SIK2: variants seen among roughly 807,000 people sequenced by gnomAD.
SIK2 encodes the protein serine/threonine-protein kinase SIK2.
SIK2 carries 29 observed loss-of-function variants against 103.2 expected under a neutral mutation model. The ratio of observed to expected loss-of-function variants is 0.28; its 90% CI spans 0.21 to 0.38. SIK2 has a LOEUF of 0.38. SIK2 is among the 10% of genes least tolerant of loss of function. The pLI, the probability that SIK2 is intolerant of heterozygous loss-of-function variation, is 1.00. For missense variants in SIK2, 879 were observed against 1,171.0 expected (o/e 0.75, Z 3.64); for synonymous variants, 412 against 446.1 (o/e 0.92, Z 0.96).
Position 111,719,793 on chromosome 11 carries a change from G to C in SIK2, c.1285G>C (p.Asp429His). The C allele has an allele frequency of 6.2e-7, 1 of 1,613,742 alleles. No individual in the cohort carries two copies. Among genetic ancestry groups the C allele is most frequent in the Non-Finnish European group, 8.5e-7 (1 of 1,179,852 alleles). The change falls in exon 10 of 15, where the codon GAC (aspartate) becomes CAC (histidine). Residue 429 changes from aspartate (D) to histidine (H), a missense_variant. Transcript: ENST00000304987. ...CGTTTAGGTCAATGGCTGTCTGCTT[G>C]ACCCTGTGCCTCCTGTCCTGGTGCG... ...DTPKVNGCLL[D>H]PVPPVLVRKG...
chr11:111,706,637 G>T (rs1943354854), intron 8 of SIK2, among the ~76,000 whole-genome samples: 1 of 152,052 alleles, frequency 6.6e-6, no homozygotes. Flanking sequence ...TAGATAAATG[G>T]TATATTTTGT....
At chr11:111,610,434 T>C (rs1030033343) in intron 1 of SIK2, among the ~76,000 whole-genome samples, 10 of 149,934 alleles carry the variant, frequency 6.7e-5, no homozygotes, top group African/African-American at 2.2e-4. Context: ...GAGGTTGCAC[T>C]GAGCTGAGAT....
In SIK2 at chr11:111,720,493, T is replaced by G. The variant is rs1377069136; in HGVS notation, c.1511T>G (p.Met504Arg). The G allele has an allele frequency of 1.2e-6, 2 of 1,600,110 alleles. No homozygotes were observed. Among genetic ancestry groups the G allele is most frequent in the Non-Finnish European group, 1.7e-6 (2 of 1,174,782 alleles). The change falls in exon 11 of 15, where the codon ATG becomes AGG. Residue 504 changes from methionine (M) to arginine (R), a missense_variant. Around this residue, in one of 7 missense-constraint regions of SIK2, gnomAD observed 222 missense variants for 258.0 expected, o/e 0.86. Coordinates refer to ENST00000304987, the MANE Select transcript of SIK2 (RefSeq NM_015191.3). ...TCTCTTAAAGGGAAAATTTTCTCCATGAATGACAGCCCCTCCCTTGACAGT... is the reference window on the plus strand; with the variant it reads ...TCTCTTAAAGGGAAAATTTTCTCCAGGAATGACAGCCCCTCCCTTGACAGT... ...VMPGAGKIFSMNDSPSLDSVD... is the reference protein window; with the variant it reads ...VMPGAGKIFSRNDSPSLDSVD...
chr11:111,694,169 A>G (rs932499428), intron 4 of SIK2, among the ~76,000 whole-genome samples: 2 of 152,222 alleles, frequency 1.3e-5, no homozygotes, highest in African/African-American at 2.4e-5. Flanking sequence ...TTCAATGTAT[A>G]ATTGATTCCC....
At position 111,728,271 on chromosome 11, in the gene SIK2, G is replaced by C. The variant is rs1944041952; in HGVS notation, c.*4142G>C. On this transcript the variant is annotated 3_prime_UTR_variant, in exon 15 of 15. Transcript: ENST00000304987. Reference sequence around the variant, plus strand: ...ACAGGCAGGGATCTTTGATCATTTTGTTGCTTCTGGAATTTATTTAATTTT... The same window carrying C: ...ACAGGCAGGGATCTTTGATCATTTTCTTGCTTCTGGAATTTATTTAATTTT... 7.0e-6 allele frequency: 1 copy of C among 143,128 alleles called. No individual in the cohort carries two copies. Among genetic ancestry groups the C allele is most frequent in the Admixed American group, 7.4e-5 (1 of 13,470 alleles). 8.9% of individuals were successfully genotyped at this position (143,128 alleles called of 1,614,324 possible).
chr11:111,614,539 A>C (rs1421940451), intron 1 of SIK2, among the ~76,000 whole-genome samples: 1 of 152,240 alleles, frequency 6.6e-6, no homozygotes, highest in Non-Finnish European at 1.5e-5. Context: ...TAAGAAAATA[A>C]CAAGGAAAAT....
chr11:111,675,257 T>C (rs1307929227), intron 3 of SIK2, among the ~76,000 whole-genome samples: 1 of 152,068 alleles, frequency 6.6e-6, no homozygotes, highest in Admixed American at 6.6e-5. Context: ...GCACACACAT[T>C]CTCCATGACC....
intron 3 of SIK2, among the ~76,000 whole-genome samples, chr11:111,665,794 C>A (rs145100653): frequency 6.6e-6 from 1 of 150,984 alleles, no homozygotes; most frequent in African/African-American, 2.4e-5. Flanking sequence ...CCATTGCACT[C>A]CAGCCTGGGC....
chr11:111,707,405 GAC>G (rs1565377293), intron 8 of SIK2, among the ~76,000 whole-genome samples: 1 of 152,140 alleles, frequency 6.6e-6, no homozygotes, highest in Non-Finnish European at 1.5e-5. Context: ...ACATAAACGT[GAC>G]TTCTTATGTT....
At chr11:111,713,142 G>A (rs1943547819) in intron 9 of SIK2, among the ~76,000 whole-genome samples, 2 of 152,152 alleles carry the variant, frequency 1.3e-5, no homozygotes, top group South Asian at 4.1e-4. Context: ...TCCAGCCTGG[G>A]TGACAGAGTG....
chr11:111,664,951 G>GA (rs1165975666), intron 3 of SIK2, among the ~76,000 whole-genome samples: 1 of 152,104 alleles, frequency 6.6e-6, no homozygotes, highest in Non-Finnish European at 1.5e-5. Flanking sequence ...TTACACATTT[G>GA]AAGTATTTTT....
chr11:111,695,262 G>C (rs1043631820), intron 4 of SIK2, among the ~76,000 whole-genome samples: 2 of 152,174 alleles, frequency 1.3e-5, no homozygotes, highest in Non-Finnish European at 2.9e-5. Context: ...AAAGCCATCT[G>C]CTGCTCTGTA....
intron 3 of SIK2, among the ~76,000 whole-genome samples, chr11:111,645,407 T>G (rs1942241690): frequency 6.6e-6 from 1 of 152,202 alleles, no homozygotes; most frequent in Non-Finnish European, 1.5e-5. Context: ...TGTGAATGAC[T>G]CGTAAAAACA....
intron 4 of SIK2, among the ~76,000 whole-genome samples, chr11:111,691,008 A>G (rs1437484196): frequency 6.6e-6 from 1 of 152,230 alleles, no homozygotes; most frequent in Non-Finnish European, 1.5e-5. Context: ...AAGTGCTGTC[A>G]CTAACATCTC....
At chr11:111,639,876 A>G (rs1942158015) in intron 3 of SIK2, among the ~76,000 whole-genome samples, 1 of 152,172 alleles carries the variant, frequency 6.6e-6, no homozygotes, top group African/African-American at 2.4e-5. Flanking sequence ...TCTACTAGGA[A>G]TGAATGCTTC....
At chr11:111,612,944 A>ATATATATATATATATATT (rs1184940281) in intron 1 of SIK2, among the ~76,000 whole-genome samples, 4 of 147,690 alleles carry the variant, frequency 2.7e-5, no homozygotes, top group Non-Finnish European at 6.0e-5. Flanking sequence ...ATATATATAT[A>ATATATATATATATATATT]TATTTATGAT....
At chr11:111,632,470 T>C (rs1339869104) in intron 3 of SIK2, among the ~76,000 whole-genome samples, 1 of 152,150 alleles carries the variant, frequency 6.6e-6, no homozygotes. Context: ...TATCATTTCT[T>C]GAACTCTTAC....
In SIK2 at chr11:111,687,993, A is replaced by G; in HGVS notation, c.317-8A>G. The G allele has an allele frequency of 1.9e-6, 3 of 1,613,508 alleles. No individual in the cohort carries two copies. The highest frequency in any genetic ancestry group is 2.5e-6 in the Non-Finnish European group (3 of 1,179,828). On this transcript the variant is annotated splice_region_variant and splice_polypyrimidine_tract_variant and intron_variant, in intron 3 of 14. Coordinates refer to ENST00000304987, the MANE Select transcript of SIK2 (RefSeq NM_015191.3). ...GTGACTAATTCTTAATCCTCTCTTCATTTACAGACTATCTTGCTAATCATG... is the reference window on the plus strand; with the variant it reads ...GTGACTAATTCTTAATCCTCTCTTCGTTTACAGACTATCTTGCTAATCATG...
chr11:111,704,079 T>C (rs1043079699), intron 7 of SIK2, among the ~76,000 whole-genome samples: 3 of 152,212 alleles, frequency 2.0e-5, no homozygotes, highest in Non-Finnish European at 2.9e-5. Context: ...TGCCGCCTTG[T>C]TTGCTGTGAA....
Sources: allele counts gnomAD v4.1 joint callset (sites outside exome capture counted in the v4.1 genomes callset), GRCh38; gene constraint gnomAD v4.1.1; regional missense constraint gnomAD v4.1.1; transcripts MANE v1.5; gene names NCBI Gene and HGNC (gene_info 2026-07-23, HGNC 2026-07-21).